The following PDE4D variants were observed in gnomAD, a reference collection of about 807,000 sequenced individuals.
PDE4D encodes phosphodiesterase 4D.
A neutral mutation model predicts 87.4 loss-of-function variants in PDE4D; 24 were observed. That is an observed-to-expected ratio of 0.27 (90% CI 0.20 to 0.39). The LOEUF is 0.39. Among genes scored for constraint, PDE4D ranks in the 10% least tolerant of loss-of-function variants. The pLI is 1.00. For synonymous variants in PDE4D, 384 were observed against 383.2 expected (o/e 1.00, Z -0.02); for missense variants, 714 against 1,041.0 (o/e 0.69, Z 4.32).
At chr5:59,666,206 C>T (rs558997453) in intron 1 of PDE4D, among the ~76,000 whole-genome samples, 8 of 152,250 alleles carry the variant, frequency 5.3e-5, no homozygotes, top group Admixed American at 1.3e-4. Flanking sequence ...GGTGATCCAC[C>T]GGCCTCGGCC....
chr5:59,472,159 A>T (rs1802546677), intron 1 of PDE4D, among the ~76,000 whole-genome samples: 1 of 152,234 alleles, frequency 6.6e-6, no homozygotes, highest in Non-Finnish European at 1.5e-5. Context: ...CAAATGAAGC[A>T]TACTTTGTTA....
chr5:60,473,114 A>G (rs1747944379), intron 1 of PDE4D, among the ~76,000 whole-genome samples: 1 of 114,086 alleles, frequency 8.8e-6, no homozygotes, highest in Middle Eastern at 3.5e-3. Context: ...AGAAAGAGAG[A>G]GAGAGAAAGA....
chr5:60,336,682 G>A (rs1483818390), intron 1 of PDE4D, among the ~76,000 whole-genome samples: 1 of 152,184 alleles, frequency 6.6e-6, no homozygotes, highest in Non-Finnish European at 1.5e-5. Context: ...TTGTCACAAA[G>A]TGTCTGAATG....
At chr5:60,447,551 A>G (rs1470872793) in intron 1 of PDE4D, among the ~76,000 whole-genome samples, 1 of 152,166 alleles carries the variant, frequency 6.6e-6, no homozygotes, top group Non-Finnish European at 1.5e-5. Context: ...TTTGAAAAAA[A>G]AAAGAAAGAA....
chr5:59,922,342 G>C (rs1040667790), intron 3 of PDE4D, among the ~76,000 whole-genome samples: 1 of 152,060 alleles, frequency 6.6e-6, no homozygotes, highest in African/African-American at 2.4e-5. Context: ...GTTTATGGGG[G>C]ACATGTGACC....
intron 1 of PDE4D, among the ~76,000 whole-genome samples, chr5:59,802,661 T>C (rs952127048): frequency 6.6e-6 from 1 of 152,128 alleles, no homozygotes; most frequent in Non-Finnish European, 1.5e-5. Flanking sequence ...CCTCCCAAAG[T>C]GTTGGGATCA....
At chr5:59,752,322 A>T (rs1580878718) in intron 1 of PDE4D, among the ~76,000 whole-genome samples, 2 of 152,218 alleles carry the variant, frequency 1.3e-5, no homozygotes, top group African/African-American at 4.8e-5. Flanking sequence ...TGTTAAATAT[A>T]TCATTTGAAC....
chr5:59,210,868 T>C (rs1173508093), intron 2 of PDE4D, among the ~76,000 whole-genome samples: 4 of 152,192 alleles, frequency 2.6e-5, no homozygotes, highest in African/African-American at 9.7e-5. Flanking sequence ...TTATACTTAA[T>C]AAATTCATAG....
At chr5:59,607,232 A>T (rs1828330917) in intron 1 of PDE4D, among the ~76,000 whole-genome samples, 1 of 152,122 alleles carries the variant, frequency 6.6e-6, no homozygotes, top group African/African-American at 2.4e-5. Context: ...TTGTTTAAAA[A>T]TGCTAATATA....
chr5:60,278,800 T>C (rs1751612526), intron 1 of PDE4D, among the ~76,000 whole-genome samples: 2 of 152,146 alleles, frequency 1.3e-5, no homozygotes, highest in Non-Finnish European at 2.9e-5. Context: ...TACTTTTTCA[T>C]TCATTCTAAA....
chr5:60,406,144 CA>C lies in PDE4D; in HGVS notation c.-90+81797del, dbSNP rs200254996. On this transcript the variant is annotated intron_variant, in intron 1 of 16. Transcript: ENST00000502484. ...TCAAAACAACAATAAGACAAAATTT[CA>C]TATCTGCAGTGACATAGAATGGATA... Among the ~76,000 whole-genome samples the C allele has an allele frequency of 3.7e-3, 567 of 152,186 alleles. 4 individuals are homozygous for C. The highest frequency in any genetic ancestry group is 0.013 in the African/African-American group (538 of 41,516).
intron 1 of PDE4D, chr5:59,768,132 C>A: frequency 7.7e-7 from 1 of 1,299,254 alleles, no homozygotes. Context: ...GGCCATAAAT[C>A]CCCGGTGAGG....
intron 5 of PDE4D, among the ~76,000 whole-genome samples, chr5:59,060,557 G>A (rs1047914885): frequency 1.3e-5 from 2 of 151,896 alleles, no homozygotes; most frequent in African/African-American, 4.8e-5. Context: ...TTACGTTCAG[G>A]GGTATATGTG....
chr5:60,498,375 G>A (rs1437976586), intron 1 of PDE4D, among the ~76,000 whole-genome samples: 1 of 152,180 alleles, frequency 6.6e-6, no homozygotes, highest in Non-Finnish European at 1.5e-5. Context: ...AAGGACCCTT[G>A]CCAAAGGTGA....
chr5:59,169,003 A>G (rs921699686), intron 5 of PDE4D, among the ~76,000 whole-genome samples: 4 of 151,926 alleles, frequency 2.6e-5, no homozygotes, highest in Non-Finnish European at 4.4e-5. Flanking sequence ...ATGTCAGTAA[A>G]TGTTAACTTT....
At chr5:59,597,760 T>A (rs148384507) in intron 1 of PDE4D, among the ~76,000 whole-genome samples, 28 of 152,272 alleles carry the variant, frequency 1.8e-4, no homozygotes, top group African/African-American at 6.7e-4. Context: ...TATAATTAAG[T>A]AGAATAATCT....
chr5:59,641,764 T>C (rs1741621300), intron 1 of PDE4D, among the ~76,000 whole-genome samples: 1 of 152,178 alleles, frequency 6.6e-6, no homozygotes, highest in African/African-American at 2.4e-5. Context: ...TTCATTTACA[T>C]TAATTTTTGT....
intron 1 of PDE4D, among the ~76,000 whole-genome samples, chr5:60,359,524 C>T (rs751454211): frequency 1.3e-5 from 2 of 152,044 alleles, no homozygotes; most frequent in Non-Finnish European, 2.9e-5. Context: ...CCGATTTTCC[C>T]CTATAAATAT....
At chr5:59,521,539 G>T (rs1175550235) in intron 1 of PDE4D, among the ~76,000 whole-genome samples, 3 of 152,060 alleles carry the variant, frequency 2.0e-5, no homozygotes, top group African/African-American at 4.8e-5. Flanking sequence ...GTCAACACTT[G>T]CCCATCTGTG....
Sources: allele counts gnomAD v4.1 joint callset (sites outside exome capture counted in the v4.1 genomes callset), GRCh38; gene constraint gnomAD v4.1.1; transcripts MANE v1.5; gene names NCBI Gene and HGNC (gene_info 2026-07-23, HGNC 2026-07-21).